The following AMBRA1 variants were observed in gnomAD, a reference collection of about 807,000 sequenced individuals.
The protein encoded by AMBRA1 is autophagy and beclin 1 regulator 1.
Under a neutral mutation model 125.4 loss-of-function variants are expected in AMBRA1, and 47 were observed. The ratio of observed to expected loss-of-function variants is 0.37; its 90% CI spans 0.30 to 0.48. The LOEUF is 0.48. Ranked by LOEUF, AMBRA1 falls within the 20% of genes least tolerant of loss-of-function variation. The probability of loss-of-function intolerance (pLI) is 0.99; values close to 1 mark genes in which losing one functional copy is unlikely to be tolerated. For missense variants in AMBRA1, 1,331 were observed against 1,693.4 expected, an observed-to-expected ratio of 0.79 and a Z score of 3.76; for synonymous variants, 626 against 655.5, an observed-to-expected ratio of 0.95 and a Z score of 0.69.
intron 9 of AMBRA1, 56 bp downstream of exon 9, chr11:46,508,135 G>T: frequency 6.3e-7 from 1 of 1,586,246 alleles, no homozygotes; most frequent in South Asian, 1.1e-5. Flanking sequence ...TGGCCAACTT[G>T]GAAGCACTCC....
At chr11:46,425,307 CATTTGTGTGTGTGTGTGT>C (rs1264272277) in intron 14 of AMBRA1, among the ~76,000 whole-genome samples, 7 of 111,630 alleles carry the variant, frequency 6.3e-5, no homozygotes, top group African/African-American at 2.4e-4. Flanking sequence ...TTGCTTGATC[CATTTGTGTGTGTGTGTGT>C]GTGTGTGTGT....
intron 11 of AMBRA1, among the ~76,000 whole-genome samples, chr11:46,472,592 C>G (rs74821485): frequency 0.053 from 8,098 of 152,216 alleles, 666 homozygotes; most frequent in African/African-American, 0.18. Context: ...GGAGAACAAC[C>G]TGTCAACTTC....
At chr11:46,509,744 A>T (rs1951188787) in intron 8 of AMBRA1, among the ~76,000 whole-genome samples, 1 of 151,946 alleles carries the variant, frequency 6.6e-6, no homozygotes, top group Non-Finnish European at 1.5e-5. Flanking sequence ...GTTACTAGGC[A>T]AAAAAAACTA....
chr11:46,477,367 G>A (rs1243555984), intron 11 of AMBRA1, among the ~76,000 whole-genome samples: 4 of 151,002 alleles, frequency 2.6e-5, no homozygotes, highest in Admixed American at 1.3e-4. Flanking sequence ...ACTCAGACTG[G>A]AGTGCAGTGA....
At chr11:46,541,217 T>A (rs1208162583) in intron 7 of AMBRA1, among the ~76,000 whole-genome samples, 1 of 152,126 alleles carries the variant, frequency 6.6e-6, no homozygotes, top group Non-Finnish European at 1.5e-5. Context: ...CTACACCTAC[T>A]CTGTTTCTCC....
At chr11:46,469,882 T>C (rs1310403484) in intron 11 of AMBRA1, among the ~76,000 whole-genome samples, 1 of 151,048 alleles carries the variant, frequency 6.6e-6, no homozygotes, top group Non-Finnish European at 1.5e-5. Flanking sequence ...CTCACTATGT[T>C]GCCCAGACTG....
At chr11:46,539,832 T>C (rs904203588) in intron 7 of AMBRA1, among the ~76,000 whole-genome samples, 2 of 152,092 alleles carry the variant, frequency 1.3e-5, no homozygotes, top group Non-Finnish European at 2.9e-5. Flanking sequence ...CTGGTATCTC[T>C]TTTTTTCCTT....
chr11:46,436,340 T>C (rs767155527), intron 12 of AMBRA1, among the ~76,000 whole-genome samples: 3 of 152,248 alleles, frequency 2.0e-5, no homozygotes, highest in Non-Finnish European at 4.4e-5. Flanking sequence ...TGTGTGTTGC[T>C]AATGAGATGA....
intron 13 of AMBRA1, 74 bp from the exon 14 acceptor site, chr11:46,433,702 CTT>C: frequency 6.8e-7 from 1 of 1,477,082 alleles, no homozygotes; most frequent in Non-Finnish European, 9.2e-7. Context: ...CACTCTTACT[CTT>C]GTCTTTTTCT....
chr11:46,560,070 A>G (rs930194966), intron 1 of AMBRA1, among the ~76,000 whole-genome samples: 1 of 152,234 alleles, frequency 6.6e-6, no homozygotes, highest in East Asian at 1.9e-4. Flanking sequence ...AAAAAGCCAC[A>G]GATTACATTA....
At chr11:46,521,531 G>A (rs997203486) in intron 7 of AMBRA1, among the ~76,000 whole-genome samples, 5 of 152,260 alleles carry the variant, frequency 3.3e-5, no homozygotes, top group Non-Finnish European at 7.3e-5. Context: ...CTGCCTTGGC[G>A]CATGCCTGGG....
At chr11:46,507,176 CAAAAAA>C (rs59385965) in intron 9 of AMBRA1, among the ~76,000 whole-genome samples, 1 of 31,494 alleles carries the variant, frequency 3.2e-5, no homozygotes, top group African/African-American at 1.2e-4. Context: ...GACTCCGTCT[CAAAAAA>C]AAAAAAAAAA....
At chr11:46,540,621 C>G (rs111680500) in intron 7 of AMBRA1, among the ~76,000 whole-genome samples, 3,399 of 152,250 alleles carry the variant, frequency 0.022, 124 homozygotes, top group African/African-American at 0.077. Flanking sequence ...CATACCCTTT[C>G]CTCCCTTAAC....
At chr11:46,565,403 G>C (rs2043486090) in intron 1 of AMBRA1, among the ~76,000 whole-genome samples, 1 of 152,002 alleles carries the variant, frequency 6.6e-6, no homozygotes, top group African/African-American at 2.4e-5. Flanking sequence ...GATAACTTAT[G>C]TTCAGACAAA....
Position 46,493,116 on chromosome 11 carries a change from G to A in AMBRA1, c.2521+492C>T, listed in dbSNP as rs549399833. On this transcript the variant is annotated intron_variant, in intron 11 of 17. Transcript: ENST00000683756. ...GCTTGCCTAGCCCATTTTCTGTTCTGTGGAGATTTCTGAGCCAGCTCCAAG... is the reference window on the plus strand; with the variant it reads ...GCTTGCCTAGCCCATTTTCTGTTCTATGGAGATTTCTGAGCCAGCTCCAAG... 1.6e-4 allele frequency among the ~76,000 whole-genome samples: 24 copies of A among 152,276 alleles called. No homozygotes were observed. The South Asian group carries it at 1.9e-3, about 12-fold the overall frequency.
At chr11:46,515,943 G>A (rs930349567) in intron 7 of AMBRA1, among the ~76,000 whole-genome samples, 2 of 152,144 alleles carry the variant, frequency 1.3e-5, no homozygotes, top group Non-Finnish European at 2.9e-5. Context: ...CAAAGTGCTG[G>A]GATTACAGGT....
chr11:46,406,942 A>C (rs2136608507), intron 17 of AMBRA1, among the ~76,000 whole-genome samples: 1 of 151,926 alleles, frequency 6.6e-6, no homozygotes, highest in South Asian at 2.1e-4. Context: ...GCACTTTGGG[A>C]GTCCGAGGTA....
chr11:46,450,224 T>C (rs1948511856), intron 11 of AMBRA1, among the ~76,000 whole-genome samples: 1 of 152,306 alleles, frequency 6.6e-6, no homozygotes, highest in East Asian at 1.9e-4. Flanking sequence ...TGGAATATTA[T>C]TCATGCTAAA....
intron 11 of AMBRA1, among the ~76,000 whole-genome samples, chr11:46,446,142 A>G (rs1948273402): frequency 1.3e-5 from 2 of 152,154 alleles, no homozygotes; most frequent in African/African-American, 4.8e-5. Context: ...CTCTCTGCCA[A>G]TGGTGCCAGG....
Sources: gnomAD v4.1 joint callset for allele counts (sites outside exome capture counted in the v4.1 genomes callset) on GRCh38, gnomAD v4.1.1 for gene constraint, MANE v1.5 for transcripts, NCBI Gene and HGNC (gene_info 2026-07-23, HGNC 2026-07-21) for gene names.